The following GFRA1 variants were observed in gnomAD, a reference collection of about 807,000 sequenced individuals.
The protein encoded by GFRA1 is GDNF family receptor alpha 1.
GFRA1 carries 16 observed loss-of-function variants against 51.6 expected under a neutral mutation model. That is an observed-to-expected ratio of 0.31 (90% CI 0.21 to 0.47). The LOEUF (loss-of-function observed/expected upper bound fraction) is 0.47, where lower values mean the gene tolerates loss of function less well. Ranked by LOEUF, GFRA1 falls within the 20% of genes least tolerant of loss-of-function variation. GFRA1 has a pLI of 1.00. For missense variants in GFRA1, 530 were observed against 594.3 expected, an observed-to-expected ratio of 0.89 and a Z score of 1.13; for synonymous variants, 270 against 241.3, an observed-to-expected ratio of 1.12 and a Z score of -1.10.
chr10:116,087,560 T>C (rs1341243867), intron 9 of GFRA1, among the ~76,000 whole-genome samples: 1 of 152,226 alleles, frequency 6.6e-6, no homozygotes, highest in Non-Finnish European at 1.5e-5. Context: ...AGTCACCCTC[T>C]GTGCACTGAG....
chr10:116,209,178 G>A (rs766375038), intron 5 of GFRA1, among the ~76,000 whole-genome samples: 6 of 152,158 alleles, frequency 3.9e-5, no homozygotes, highest in South Asian at 2.1e-4. Flanking sequence ...ACACTCTCAC[G>A]TGCACATGCC....
At chr10:116,092,096 T>TACAC (rs58442181) in intron 8 of GFRA1, among the ~76,000 whole-genome samples, 10,828 of 137,952 alleles carry the variant, frequency 0.078, 526 homozygotes, top group South Asian at 0.099. Flanking sequence ...CATACATACG[T>TACAC]ACACACACAC....
intron 5 of GFRA1, among the ~76,000 whole-genome samples, chr10:116,176,726 C>CCTTCCT (rs1565629421): frequency 5.9e-4 from 77 of 130,610 alleles, no homozygotes; most frequent in African/African-American, 2.1e-3. Context: ...CCCTCCCTCC[C>CCTTCCT]TCCTTCCTTC....
chr10:116,232,892 GAAC>G (rs1354121284), intron 4 of GFRA1, among the ~76,000 whole-genome samples: 2 of 152,142 alleles, frequency 1.3e-5, no homozygotes, highest in East Asian at 3.9e-4. Context: ...TCTGCTTTGG[GAAC>G]ACTTAATGGG....
At chr10:116,178,596 G>A (rs1961888551) in intron 5 of GFRA1, among the ~76,000 whole-genome samples, 1 of 152,202 alleles carries the variant, frequency 6.6e-6, no homozygotes, top group Non-Finnish European at 1.5e-5. Context: ...TCTAGAAGAG[G>A]TGAATACCGT....
intron 5 of GFRA1, among the ~76,000 whole-genome samples, chr10:116,167,427 A>G (rs570341207): frequency 6.6e-6 from 1 of 152,200 alleles, no homozygotes; most frequent in African/African-American, 2.4e-5. Context: ...CCCTAGTTTC[A>G]TCTCTCTCTG....
chr10:116,093,832 T>C lies in GFRA1; in HGVS notation c.885A>G (p.Thr295=), dbSNP rs1158781535. ...CLLAYSGLIG[T]VMTPNYIDSS... ...AGTCTATGTAGTTGGGGGTCATGACTGTGCCTAAAAGAATAAAAACAAGGC... is the reference window on the plus strand; with the variant it reads ...AGTCTATGTAGTTGGGGGTCATGACCGTGCCTAAAAGAATAAAAACAAGGC... The change falls in exon 8 of 11, where the codon ACA becomes ACG. Residue 295 remains threonine (T), a synonymous_variant. Transcript: ENST00000355422. The C allele has an allele frequency of 6.2e-7, 1 of 1,614,094 alleles. No homozygotes were observed. Among genetic ancestry groups the C allele is most frequent in the Admixed American group, 1.7e-5 (1 of 60,020 alleles).
chr10:116,157,655 C>T (rs187655962), intron 5 of GFRA1, among the ~76,000 whole-genome samples: 29 of 152,326 alleles, frequency 1.9e-4, no homozygotes, highest in Admixed American at 9.8e-4. Flanking sequence ...CCATGAGACT[C>T]CTCCTCCCCT....
At chr10:116,088,569 T>C (rs1451693060) in intron 9 of GFRA1, among the ~76,000 whole-genome samples, 1 of 152,044 alleles carries the variant, frequency 6.6e-6, no homozygotes, top group African/African-American at 2.4e-5. Flanking sequence ...GCTACGATAC[T>C]ATAGTGACAG....
At chr10:116,238,446 C>A (rs1200412238) in intron 4 of GFRA1, among the ~76,000 whole-genome samples, 1 of 152,228 alleles carries the variant, frequency 6.6e-6, no homozygotes. Context: ...TCAGAATGTG[C>A]ACGTCACATA....
chr10:116,122,447 C>G (rs1444777354), intron 6 of GFRA1, among the ~76,000 whole-genome samples: 4 of 152,292 alleles, frequency 2.6e-5, no homozygotes, highest in African/African-American at 9.6e-5. Context: ...GAAACTTGTT[C>G]CTTCCTCAGC....
intron 9 of GFRA1, among the ~76,000 whole-genome samples, chr10:116,067,139 G>A (rs1955150907): frequency 6.6e-6 from 1 of 152,130 alleles, no homozygotes; most frequent in Admixed American, 6.6e-5. Context: ...AGATCAGAGG[G>A]GAAATTGGAA....
chr10:116,122,388 C>T (rs568812117), intron 6 of GFRA1, among the ~76,000 whole-genome samples: 5 of 152,262 alleles, frequency 3.3e-5, no homozygotes, highest in African/African-American at 7.2e-5. Flanking sequence ...ATTTCTGTGC[C>T]GTCAGCTGAG....
At chr10:116,070,637 A>T (rs1430509769) in intron 9 of GFRA1, among the ~76,000 whole-genome samples, 3 of 152,158 alleles carry the variant, frequency 2.0e-5, no homozygotes, top group East Asian at 1.9e-4. Context: ...TAACAATTCT[A>T]TTGTGTACGT....
intron 5 of GFRA1, among the ~76,000 whole-genome samples, chr10:116,173,746 T>C (rs559226842): frequency 2.9e-4 from 44 of 152,170 alleles, no homozygotes; most frequent in Non-Finnish European, 5.6e-4. Context: ...TATATATCTG[T>C]TTAGTTGGGC....
intron 5 of GFRA1, among the ~76,000 whole-genome samples, chr10:116,164,579 G>A (rs137882922): frequency 0.011 from 1,619 of 152,244 alleles, 13 homozygotes; most frequent in Non-Finnish European, 0.015. Flanking sequence ...TGGAGAGAAC[G>A]TGGGCATTTA....
chr10:116,113,341 T>C (rs1357312001), intron 6 of GFRA1, among the ~76,000 whole-genome samples: 1 of 152,130 alleles, frequency 6.6e-6, no homozygotes, highest in African/African-American at 2.4e-5. Flanking sequence ...ACCTATAGAT[T>C]TAGCCCACAT....
In GFRA1 at chr10:116,062,362, T is replaced by G. The variant is rs1465664403; in HGVS notation, c.*2036A>C. The G allele has an allele frequency of 8.0e-6, 3 of 374,094 alleles. No individual in the cohort carries two copies. Among genetic ancestry groups the G allele is most frequent in the Non-Finnish European group, 1.4e-5 (3 of 211,392 alleles). 23.2% of individuals were successfully genotyped at this position (374,094 alleles called of 1,614,324 possible). A position where few individuals can be genotyped will look rare whatever the true frequency, so the allele number is the denominator to read the frequency against. The stretch of plus-strand genomic sequence containing the variant: ...AATGTGTTTATTCAAAGTAAGAGTC[T>G]TTATAGATCTTTTCACTAATTAAAT... On this transcript the variant is annotated 3_prime_UTR_variant, in exon 11 of 11. Transcript: ENST00000355422.
intron 5 of GFRA1, among the ~76,000 whole-genome samples, chr10:116,132,974 C>T (rs1958168572): frequency 6.6e-6 from 1 of 151,986 alleles, no homozygotes; most frequent in Non-Finnish European, 1.5e-5. Flanking sequence ...TAACTGCCAT[C>T]CTCTCCACAG....
Sources: allele counts gnomAD v4.1 joint callset (sites outside exome capture counted in the v4.1 genomes callset), GRCh38; gene constraint gnomAD v4.1.1; transcripts MANE v1.5; gene names NCBI Gene and HGNC (gene_info 2026-07-23, HGNC 2026-07-21).